CSMD1: variants seen among roughly 807,000 people sequenced by gnomAD.
CSMD1 encodes the protein CUB and Sushi multiple domains 1.
CSMD1 carries 213 observed loss-of-function variants against 417.5 expected under a neutral mutation model. That is an observed-to-expected ratio of 0.51 (90% CI 0.46 to 0.57). CSMD1 has a LOEUF of 0.57. CSMD1 is among the 20% of genes least tolerant of loss of function. CSMD1 has a pLI of 0.00. For synonymous variants in CSMD1, 2,862 were observed against 1,736.8 expected, an observed-to-expected ratio of 1.65 and a Z score of -16.11; for missense variants, 6,923 against 4,529.7, an observed-to-expected ratio of 1.53 and a Z score of -15.17.
intron 2 of CSMD1, among the ~76,000 whole-genome samples, chr8:4,515,479 T>A (rs1358875041): frequency 2.0e-5 from 3 of 152,066 alleles, no homozygotes; most frequent in Non-Finnish European, 2.9e-5. Context: ...TAAAAGAACG[T>A]CTAGAAATAT....
rs184800197 is a variant in CSMD1, at chr8:4,577,404, G to A, written c.302+59938C>T. On this transcript the variant is annotated intron_variant, in intron 2 of 69. Transcript: ENST00000635120. ...ACATTTCTTTCCATCCTCTCAAGTCGGGGAAATGTTCTTGGACACTCTGCT... is the reference window on the plus strand; with the variant it reads ...ACATTTCTTTCCATCCTCTCAAGTCAGGGAAATGTTCTTGGACACTCTGCT... Among the ~76,000 whole-genome samples the A allele has an allele frequency of 3.3e-5, 5 of 152,130 alleles. No individual in the cohort carries two copies. In the South Asian group the frequency reaches 6.2e-4, roughly 19 times the overall value.
At position 4,252,180 on chromosome 8, in the gene CSMD1, G is replaced by C. The variant is rs573772076; in HGVS notation, c.415+167773C>G. Reference sequence around the variant, plus strand: ...AGGATATATAGAAAGCTGGGGTGGGGAGATGGATAAAAAAGCTTAAAACAA... The same window carrying C: ...AGGATATATAGAAAGCTGGGGTGGGCAGATGGATAAAAAAGCTTAAAACAA... On this transcript the variant is annotated intron_variant, in intron 3 of 69. Transcript: ENST00000635120. Among the ~76,000 whole-genome samples the C allele has an allele frequency of 2.6e-5, 4 of 152,234 alleles. No individual in the cohort carries two copies. The South Asian group carries it at 8.3e-4, about 32-fold the overall frequency.
intron 1 of CSMD1, among the ~76,000 whole-genome samples, chr8:4,857,444 C>CA (rs1801869961): frequency 1.3e-5 from 2 of 152,052 alleles, no homozygotes; most frequent in African/African-American, 4.8e-5. Context: ...AATAGAGATA[C>CA]AAAAAACCCT....
intron 10 of CSMD1, among the ~76,000 whole-genome samples, chr8:3,498,598 C>G (rs761247962): frequency 2.9e-4 from 44 of 152,124 alleles, no homozygotes; most frequent in Non-Finnish European, 6.0e-4. Flanking sequence ...TATCCTACAC[C>G]TTTCTGATCT....
At chr8:4,131,185 G>C (rs1447975635) in intron 3 of CSMD1, among the ~76,000 whole-genome samples, 4 of 152,148 alleles carry the variant, frequency 2.6e-5, no homozygotes, top group African/African-American at 9.7e-5. Flanking sequence ...TACATCAAAA[G>C]ACTTCATAGT....
chr8:3,974,775 G>A (rs1023941070), intron 5 of CSMD1, among the ~76,000 whole-genome samples: 1 of 151,640 alleles, frequency 6.6e-6, no homozygotes, highest in Non-Finnish European at 1.5e-5. Context: ...TACAGTTATT[G>A]GTAATTCAAT....
At chr8:3,399,137 G>A (rs767163702) in intron 16 of CSMD1, among the ~76,000 whole-genome samples, 19 of 152,056 alleles carry the variant, frequency 1.2e-4, no homozygotes, top group Non-Finnish European at 2.6e-4. Context: ...CAGATACAAG[G>A]GTCGGACCTC....
At chr8:4,221,096 A>G (rs1490589121) in intron 3 of CSMD1, among the ~76,000 whole-genome samples, 1 of 152,204 alleles carries the variant, frequency 6.6e-6, no homozygotes, top group Non-Finnish European at 1.5e-5. Context: ...CATTTAAACA[A>G]GAGAGGAATA....
rs1303121574 is a variant in CSMD1, at chr8:3,223,807, T to A, written c.4406A>T (p.Gln1469Leu). 3 of 1,613,918 alleles carry A rather than the reference T, an allele frequency of 1.9e-6. No individual in the cohort carries two copies. Among genetic ancestry groups the A allele is most frequent in the Non-Finnish European group, 2.5e-6 (3 of 1,179,840 alleles). Residue 1469 changes from glutamine (Q) to leucine (L), a missense_variant, in exon 28 of 70, where the codon CAG (glutamine) becomes CTG (leucine). Transcript: ENST00000635120. ...AGVILSPNYP[Q>L]PYPPGKECDW... ...ACATTCCTTCCCAGGAGGATACGGC[T>A]GTGGGTAGTTGGGTGACAAAATAAC... is the stretch of plus-strand genomic sequence containing the variant.
At chr8:4,270,330 A>G (rs554306125) in intron 3 of CSMD1, among the ~76,000 whole-genome samples, 1 of 151,578 alleles carries the variant, frequency 6.6e-6, no homozygotes, top group Non-Finnish European at 1.5e-5. Context: ...TTTATTAACA[A>G]ACCACGATTC....
chr8:3,732,109 G>C (rs762370630), intron 6 of CSMD1, among the ~76,000 whole-genome samples: 1 of 152,176 alleles, frequency 6.6e-6, no homozygotes, highest in African/African-American at 2.4e-5. Context: ...GGAAAGGAGG[G>C]CCTTGGAGGA....
Position 3,750,660 on chromosome 8 carries a change from C to G in CSMD1, c.931+3270G>C, listed in dbSNP as rs563047281. On this transcript the variant is annotated intron_variant, in intron 6 of 69. Transcript: ENST00000635120. Reference sequence around the variant, plus strand: ...AGATTCAGCTGAACAAATGTTTTCCCTGCTTGACAGAAGGTTTCACATTTG... The same window carrying G: ...AGATTCAGCTGAACAAATGTTTTCCGTGCTTGACAGAAGGTTTCACATTTG... 2.6e-5 allele frequency among the ~76,000 whole-genome samples: 4 copies of G among 152,224 alleles called. No homozygotes were observed. In the East Asian group the frequency reaches 7.7e-4, roughly 29 times the overall value.
chr8:4,774,970 T>G (rs1029686330), intron 1 of CSMD1, among the ~76,000 whole-genome samples: 3 of 152,170 alleles, frequency 2.0e-5, no homozygotes, highest in African/African-American at 7.2e-5. Flanking sequence ...TAAACCCCTT[T>G]TGTTTACAAA....
At chr8:3,405,947 C>T in intron 15 of CSMD1, 80 bp downstream of exon 15, 1 of 1,374,182 alleles carries the variant, frequency 7.3e-7, no homozygotes, top group Non-Finnish European at 1.0e-6. Flanking sequence ...CAAGCTAACA[C>T]AGTTTGTTGG....
chr8:3,092,212 T>A (rs17079312), intron 47 of CSMD1, among the ~76,000 whole-genome samples: 1 of 152,028 alleles, frequency 6.6e-6, no homozygotes, highest in Admixed American at 6.6e-5. Context: ...AAAAAAAGAA[T>A]TGAAGATTCC....
rs1308533427 is a variant in CSMD1 at position 4,486,198 on chromosome 8, T to TAC, written c.303-66135_303-66134dup. 1.0e-3 allele frequency among the ~76,000 whole-genome samples: 9 copies of TAC among 8,936 alleles called. No individual in the cohort carries two copies. The East Asian group carries it at 0.021, about 21-fold the overall frequency. 5.9% of individuals were successfully genotyped at this position (8,936 alleles called of 152,430 possible). On this transcript the variant is annotated intron_variant, in intron 2 of 69. Transcript: ENST00000635120. Reference sequence around the variant, plus strand: ...ATACATACATATATATATATATATATACATACATATATATATATATATATA... The same window carrying TAC: ...ATACATACATATATATATATATATATACACATACATATATATATATATATATA...
rs75940837 is a variant in CSMD1, at chr8:4,429,567, T to G, written c.303-9502A>C. Among the ~76,000 whole-genome samples the G allele has an allele frequency of 4.4e-3, 664 of 152,214 alleles. 6 individuals are homozygous for G. Among genetic ancestry groups the G allele is most frequent in the African/African-American group, 0.015 (642 of 41,540 alleles). Reference sequence around the variant, plus strand: ...AGCGTGAGACTCATTACAGAAGGATTTGGTCCATACTGATTTAGGAGGCAA... The same window carrying G: ...AGCGTGAGACTCATTACAGAAGGATGTGGTCCATACTGATTTAGGAGGCAA... On this transcript the variant is annotated intron_variant, in intron 2 of 69. Transcript: ENST00000635120.
At chr8:4,631,012 G>T (rs1013502725) in intron 2 of CSMD1, among the ~76,000 whole-genome samples, 1 of 152,182 alleles carries the variant, frequency 6.6e-6, no homozygotes, top group Admixed American at 6.5e-5. Flanking sequence ...AGCTTTGACA[G>T]TGGCTTCACC....
At chr8:4,279,576 C>T (rs1222687671) in intron 3 of CSMD1, among the ~76,000 whole-genome samples, 1 of 152,134 alleles carries the variant, frequency 6.6e-6, no homozygotes, top group Non-Finnish European at 1.5e-5. Flanking sequence ...TCTGCAGACA[C>T]GGTTTTATTG....
Sources: gnomAD v4.1 joint callset for allele counts (sites outside exome capture counted in the v4.1 genomes callset) on GRCh38, gnomAD v4.1.1 for gene constraint, MANE v1.5 for transcripts, NCBI Gene and HGNC (gene_info 2026-07-23, HGNC 2026-07-21) for gene names.